The following FBLN5 variants were observed in gnomAD, a reference collection of about 807,000 sequenced individuals.
FBLN5 encodes the protein fibulin-5.
A neutral mutation model predicts 61.6 loss-of-function variants in FBLN5; 24 were observed. The observed-to-expected ratio is 0.39, with a 90% confidence interval of 0.28 to 0.55. The LOEUF is 0.55. Ranked by LOEUF, FBLN5 falls within the 20% of genes least tolerant of loss-of-function variation. FBLN5 has a pLI of 0.65. For synonymous variants in FBLN5, 213 were observed against 219.8 expected (o/e 0.97, Z 0.27); for missense variants, 470 against 594.1 (o/e 0.79, Z 2.17).
chr14:91,869,920 A>G lies in FBLN5; in HGVS notation c.*304T>C, dbSNP rs1324498322. ...ACTCAGACCCCCGCAAACCTAATCTATTTTCTTTGAAAATAGTGGAAATAA... is the reference window on the plus strand; with the variant it reads ...ACTCAGACCCCCGCAAACCTAATCTGTTTTCTTTGAAAATAGTGGAAATAA... On this transcript the variant is annotated 3_prime_UTR_variant, in exon 11 of 11. Coordinates refer to ENST00000342058, the MANE Select transcript of FBLN5 (RefSeq NM_006329.4). 1.0e-5 allele frequency: 4 copies of G among 394,570 alleles called. No homozygotes were observed. The highest frequency in any genetic ancestry group is 8.3e-5 in the African/African-American group (4 of 48,264). The allele number at this position is 394,570 out of a possible 1,614,324, so 24.4% of individuals were successfully genotyped here.
intron 4 of FBLN5, among the ~76,000 whole-genome samples, chr14:91,931,995 G>A (rs763835961): frequency 1.8e-4 from 27 of 152,164 alleles, no homozygotes; most frequent in African/African-American, 5.5e-4. Flanking sequence ...AGAACTCTAC[G>A]TATGTGTTTG....
intron 7 of FBLN5, among the ~76,000 whole-genome samples, chr14:91,884,166 G>A (rs1016668427): frequency 1.6e-4 from 24 of 152,118 alleles, no homozygotes; most frequent in African/African-American, 5.8e-4. Flanking sequence ...GGTGTTACAC[G>A]CCTTGTGCCT....
chr14:91,939,357 T>G (rs1455985483), intron 3 of FBLN5, among the ~76,000 whole-genome samples: 1 of 114,786 alleles, frequency 8.7e-6, no homozygotes, highest in Non-Finnish European at 1.8e-5. Context: ...TTTTTTTTTT[T>G]GAGACAGAGT....
chr14:91,936,312 C>T (rs939862445), intron 4 of FBLN5, among the ~76,000 whole-genome samples: 2 of 152,244 alleles, frequency 1.3e-5, no homozygotes, highest in South Asian at 2.1e-4. Flanking sequence ...TGACTATTCA[C>T]AGGCGCGATC....
At chr14:91,920,430 C>T (rs146015136) in intron 4 of FBLN5, among the ~76,000 whole-genome samples, 18 of 152,292 alleles carry the variant, frequency 1.2e-4, no homozygotes, top group Non-Finnish European at 2.5e-4. Context: ...CCTTCAACCA[C>T]GGAGAAGTGA....
intron 2 of FBLN5, chr14:91,942,090 G>T (rs2056114317): frequency 1.8e-5 from 8 of 455,242 alleles, no homozygotes; most frequent in Admixed American, 1.6e-4. Flanking sequence ...CTTCTTTCCT[G>T]AGCCAGAGAC....
chr14:91,946,846 A>T, intron 1 of FBLN5: 1 of 1,517,716 alleles, frequency 6.6e-7, no homozygotes, highest in Non-Finnish European at 8.8e-7. Flanking sequence ...GCGGCGCAGT[A>T]ATTGCTAGTG....
At position 91,925,166 on chromosome 14, in the gene FBLN5, T is replaced by C. The variant is rs7140207; in HGVS notation, c.379+11781A>G. The stretch of plus-strand genomic sequence containing the variant: ...CTAGATTTCCACAAATGTTTTAGTT[T>C]GAAAGAAAGTCAGACAGCATTGACA... On this transcript the variant is annotated intron_variant, in intron 4 of 10. Transcript: ENST00000342058. Among the ~76,000 whole-genome samples the C allele has an allele frequency of 3.8e-3, 582 of 152,268 alleles. 6 individuals are homozygous for C. The highest frequency in any genetic ancestry group is 0.013 in the African/African-American group (539 of 41,544).
chr14:91,940,457 A>G (rs924578632), intron 3 of FBLN5, 108 bp downstream of exon 3: 46 of 933,888 alleles, frequency 4.9e-5, no homozygotes, highest in Non-Finnish European at 7.4e-5. Context: ...ATGTCACTGT[A>G]TTCTCCCATG....
chr14:91,914,273 C>T (rs977764041), intron 4 of FBLN5, among the ~76,000 whole-genome samples: 3 of 151,872 alleles, frequency 2.0e-5, no homozygotes, highest in African/African-American at 4.8e-5. Flanking sequence ...GTCAGGAGAT[C>T]GAGACCATCC....
chr14:91,895,230 G>C (rs905083240), intron 4 of FBLN5, among the ~76,000 whole-genome samples, 158 bp from the exon 5 acceptor site: 1 of 152,128 alleles, frequency 6.6e-6, no homozygotes, highest in Non-Finnish European at 1.5e-5. Context: ...GGCACCTCTA[G>C]GAGACACTGA....
At chr14:91,908,540 C>T (rs1220272891) in intron 4 of FBLN5, among the ~76,000 whole-genome samples, 9 of 152,180 alleles carry the variant, frequency 5.9e-5, no homozygotes, top group African/African-American at 1.9e-4. Context: ...ACCCTCACAC[C>T]CTGGCTGACC....
chr14:91,927,281 C>T lies in FBLN5; in HGVS notation c.379+9666G>A, dbSNP rs80244030. ...TTCTTTCATTTAACATCCCTGATAA[C>T]ATAAACATCTCCCAAATCCCCCAAA... On this transcript the variant is annotated intron_variant, in intron 4 of 10. Transcript: ENST00000342058. Among the ~76,000 whole-genome samples, 562 of 152,326 alleles carry T rather than the reference C, an allele frequency of 3.7e-3. 4 individuals carry two copies. Among genetic ancestry groups the T allele is most frequent in the African/African-American group, 0.013 (532 of 41,568 alleles).
chr14:91,928,385 T>A (rs1360153419), intron 4 of FBLN5, among the ~76,000 whole-genome samples: 1 of 152,180 alleles, frequency 6.6e-6, no homozygotes, highest in Non-Finnish European at 1.5e-5. Flanking sequence ...TGTACTCCCT[T>A]CTCAGAATAA....
chr14:91,914,588 T>G (rs1315627466), intron 4 of FBLN5, among the ~76,000 whole-genome samples: 2 of 148,928 alleles, frequency 1.3e-5, no homozygotes, highest in Non-Finnish European at 3.0e-5. Context: ...TGAACCATGA[T>G]CATGCCACTG....
intron 3 of FBLN5, among the ~76,000 whole-genome samples, chr14:91,938,771 A>G (rs1368094489): frequency 9.2e-5 from 14 of 152,214 alleles, no homozygotes; most frequent in Admixed American, 8.5e-4. Flanking sequence ...TGGAGACCAC[A>G]TGCCTGCACC....
In FBLN5 at chr14:91,895,144, G is replaced by C. The variant is rs1421279996; in HGVS notation, c.380-72C>G. 4.4e-6 allele frequency: 7 copies of C among 1,594,328 alleles called. No individual in the cohort carries two copies. In the Admixed American group the frequency reaches 1.2e-4, roughly 27 times the overall value. On this transcript the variant is annotated intron_variant, in intron 4 of 10. Coordinates refer to ENST00000342058, the MANE Select transcript of FBLN5 (RefSeq NM_006329.4). ...AGCCCTGGAGCCACCAGGGGTGCCA[G>C]TGGCTCATCTTGGCTGGGAGGCAGT...
In FBLN5 at chr14:91,943,403, C is replaced by G. The variant is rs1031440018; in HGVS notation, c.18-442G>C. ...GCACGCGCCTAAAGTCCCAGCTACTCAGGAGGCTGAGGTGGGATCACCTGA... is the reference window on the plus strand; with the variant it reads ...GCACGCGCCTAAAGTCCCAGCTACTGAGGAGGCTGAGGTGGGATCACCTGA... On this transcript the variant is annotated intron_variant, in intron 1 of 10. Coordinates refer to ENST00000342058, the MANE Select transcript of FBLN5 (RefSeq NM_006329.4). The surrounding 1 kb of genome is among the most constrained non-coding windows in gnomAD (Gnocchi z 4.0). 6.6e-6 allele frequency among the ~76,000 whole-genome samples: 1 copy of G among 151,934 alleles called. No individual in the cohort carries two copies. Among genetic ancestry groups the G allele is most frequent in the African/African-American group, 2.4e-5 (1 of 41,340 alleles).
chr14:91,887,377 A>T (rs1889776218), intron 6 of FBLN5, 65 bp from the exon 7 acceptor site: 26 of 1,563,216 alleles, frequency 1.7e-5, no homozygotes, highest in Non-Finnish European at 2.3e-5. Context: ...AACTAGGCAG[A>T]AAAAGCACCA....
Sources: allele counts gnomAD v4.1 joint callset (sites outside exome capture counted in the v4.1 genomes callset), GRCh38; gene constraint gnomAD v4.1.1; non-coding constraint Gnocchi (gnomAD v3.1); transcripts MANE v1.5; gene names NCBI Gene and HGNC (gene_info 2026-07-23, HGNC 2026-07-21).